Variants in POU2F1 observed in about 807,000 individuals in gnomAD.
POU2F1 encodes POU class 2 homeobox 1, also known as POU domain, class 2, transcription factor 1.
A neutral mutation model predicts 84.9 loss-of-function variants in POU2F1; 16 were observed. The observed-to-expected ratio is 0.19, with a 90% CI of 0.13 to 0.29. The LOEUF is 0.29. Among genes scored for constraint, POU2F1 ranks in the 10% least tolerant of loss-of-function variants. The pLI is 1.00. For synonymous variants in POU2F1, 368 were observed against 368.3 expected, an observed-to-expected ratio of 1.00 and a Z score of 0.01; for missense variants, 738 against 942.6, an observed-to-expected ratio of 0.78 and a Z score of 2.84.
At chr1:167,263,976 G>A (rs1651763405) in intron 1 of POU2F1, among the ~76,000 whole-genome samples, 1 of 152,176 alleles carries the variant, frequency 6.6e-6, no homozygotes, top group South Asian at 2.1e-4. Flanking sequence ...GCCAGGTATT[G>A]TGGCCAATCC....
At position 167,372,044 on chromosome 1, in the gene POU2F1, T is replaced by G. The variant is rs1312421950; in HGVS notation, c.402+8T>G. The stretch of plus-strand genomic sequence containing the variant: ...GGAGGACAGATAACTGGGGTAAGTG[T>G]TCACTGAGAGAATTATAACAAACTT... On this transcript the variant is annotated splice_region_variant and intron_variant, in intron 5 of 15. Transcript: ENST00000367866. 6.2e-7 allele frequency: 1 copy of G among 1,605,956 alleles called. No individual in the cohort carries two copies. Among genetic ancestry groups the G allele is most frequent in the Non-Finnish European group, 8.5e-7 (1 of 1,176,490 alleles).
intron 1 of POU2F1, among the ~76,000 whole-genome samples, chr1:167,313,552 A>G (rs530834727): frequency 6.6e-6 from 1 of 152,324 alleles, no homozygotes; most frequent in South Asian, 2.1e-4. Flanking sequence ...TGACTAAGGT[A>G]CAAAAACAAT....
chr1:167,378,830 G>A (rs1464011782), intron 7 of POU2F1, among the ~76,000 whole-genome samples: 2 of 151,948 alleles, frequency 1.3e-5, no homozygotes, highest in Non-Finnish European at 2.9e-5. Flanking sequence ...TTGGCTCACT[G>A]CAACCTCTGC....
At chr1:167,229,814 G>A (rs1648922685) in intron 1 of POU2F1, among the ~76,000 whole-genome samples, 1 of 152,154 alleles carries the variant, frequency 6.6e-6, no homozygotes, top group Non-Finnish European at 1.5e-5. Flanking sequence ...CATCTTAGGA[G>A]GAATGGACAC....
chr1:167,339,713 C>A (rs116119347), intron 2 of POU2F1, among the ~76,000 whole-genome samples: 36 of 152,198 alleles, frequency 2.4e-4, no homozygotes, highest in African/African-American at 8.7e-4. Flanking sequence ...TGAATTTTGT[C>A]CTTAGGAGTT....
Position 167,365,318 on chromosome 1 carries a change from G to C in POU2F1, c.128-149G>C, listed in dbSNP as rs555693963. ...CTTTTAGAAGATAAACCAGTTTACT[G>C]TTTCCTTTCTTTTGAATCCCTTCTC... On this transcript the variant is annotated intron_variant, in intron 2 of 15. Transcript: ENST00000367866. 5 of 519,708 alleles carry C rather than the reference G, an allele frequency of 9.6e-6. No individual in the cohort carries two copies. In the East Asian group the frequency reaches 1.4e-4, roughly 14 times the overall value. 32.2% of individuals were successfully genotyped at this position (519,708 alleles called of 1,614,324 possible).
intron 11 of POU2F1, 71 bp downstream of exon 11, chr1:167,398,204 A>G (rs1482087086): frequency 3.3e-6 from 5 of 1,513,126 alleles, no homozygotes; most frequent in African/African-American, 1.4e-5. Flanking sequence ...CTTAGTAGAA[A>G]CTGTAGGTGG....
rs1210785486 is a variant in POU2F1, at chr1:167,310,793, GC to G, written c.62-21675del. On this transcript the variant is annotated intron_variant, in intron 1 of 15. Transcript: ENST00000367866. ...ATGTGGAGTCTGAGCAAAGAAATAGGCCTCAGTAGATAGAAAATACAAAGAA... is the reference window on the plus strand; with the variant it reads ...ATGTGGAGTCTGAGCAAAGAAATAGGCTCAGTAGATAGAAAATACAAAGAA... Among the ~76,000 whole-genome samples the G allele has an allele frequency of 2.0e-5, 3 of 152,192 alleles. No individual in the cohort carries two copies. The East Asian group carries it at 5.8e-4, about 29-fold the overall frequency.
At chr1:167,395,531 T>A (rs148204317) in intron 9 of POU2F1, among the ~76,000 whole-genome samples, 3 of 152,224 alleles carry the variant, frequency 2.0e-5, no homozygotes, top group Non-Finnish European at 4.4e-5. Flanking sequence ...TTCGTAAATA[T>A]CTTGGGTTAT....
At chr1:167,222,062 C>T (rs1247720270) in intron 1 of POU2F1, among the ~76,000 whole-genome samples, 1 of 152,128 alleles carries the variant, frequency 6.6e-6, no homozygotes, top group Non-Finnish European at 1.5e-5. Context: ...CCGGGACGCA[C>T]GGGGCGGGTG....
chr1:167,289,804 T>C (rs1571235791), intron 1 of POU2F1, among the ~76,000 whole-genome samples: 1 of 152,346 alleles, frequency 6.6e-6, no homozygotes, highest in South Asian at 2.1e-4. Context: ...TGTTCATTTA[T>C]TTGCTGGCTT....
chr1:167,284,979 C>T (rs534248633), intron 1 of POU2F1, among the ~76,000 whole-genome samples: 16 of 152,236 alleles, frequency 1.1e-4, no homozygotes, highest in African/African-American at 3.9e-4. Context: ...CATTTGTGTT[C>T]ATAGTATTTT....
intron 1 of POU2F1, among the ~76,000 whole-genome samples, chr1:167,314,587 G>A (rs1655744642): frequency 6.6e-6 from 1 of 151,964 alleles, no homozygotes; most frequent in African/African-American, 2.4e-5. Context: ...TACCATCCTG[G>A]GCCACACAGG....
At chr1:167,221,565 G>A (rs1293645598) in intron 1 of POU2F1, among the ~76,000 whole-genome samples, 4 of 149,942 alleles carry the variant, frequency 2.7e-5, no homozygotes, top group Non-Finnish European at 4.5e-5. Context: ...GGGCGGGGGG[G>A]CGCTGCCCGC....
At chr1:167,343,601 A>G (rs1657998474) in intron 2 of POU2F1, among the ~76,000 whole-genome samples, 1 of 144,654 alleles carries the variant, frequency 6.9e-6, no homozygotes, top group South Asian at 2.2e-4. Context: ...ACATCCTGGC[A>G]TAGAGCAATG....
At chr1:167,304,049 A>G (rs1044837102) in intron 1 of POU2F1, among the ~76,000 whole-genome samples, 1 of 152,182 alleles carries the variant, frequency 6.6e-6, no homozygotes, top group African/African-American at 2.4e-5. Context: ...CTTGCGAAAG[A>G]AATTCAGCTA....
At chr1:167,350,208 C>T (rs1473492955) in intron 2 of POU2F1, among the ~76,000 whole-genome samples, 7 of 152,036 alleles carry the variant, frequency 4.6e-5, no homozygotes, top group Non-Finnish European at 1.0e-4. Context: ...ATGTAGTTTC[C>T]CTTGCCCCCT....
In POU2F1 at chr1:167,413,081, C is replaced by G. The variant is rs746981759; in HGVS notation, c.1957C>G (p.Leu653Val). The G allele has an allele frequency of 1.2e-6, 2 of 1,614,032 alleles. No homozygotes were observed. Among genetic ancestry groups the G allele is most frequent in the Admixed American group, 3.3e-5 (2 of 60,012 alleles). ...CCTGAGCGGTGCTCTCAGCCCAGCT[C>G]TAATGAGCAACAGTACACTGGCAAC... The part of the protein sequence containing the change: ...GTLSGALSPA[L>V]MSNSTLATIQ... Residue 653 changes from leucine (L) to valine (V), a missense_variant, in exon 15 of 16, where the codon CTA becomes GTA. This residue lies in a region of POU2F1 where 319 missense variants were observed against 386.0 expected (regional missense o/e 0.83). Coordinates refer to ENST00000367866, the MANE Select transcript of POU2F1 (RefSeq NM_002697.4).
In POU2F1 at chr1:167,280,210, T is replaced by C. The variant is rs554373155; in HGVS notation, c.62-52260T>C. Among the ~76,000 whole-genome samples the C allele has an allele frequency of 5.9e-5, 9 of 151,886 alleles. No individual in the cohort carries two copies. The South Asian group carries it at 6.2e-4, about 11-fold the overall frequency. On this transcript the variant is annotated intron_variant, in intron 1 of 15. Coordinates refer to ENST00000367866, the MANE Select transcript of POU2F1 (RefSeq NM_002697.4). Reference sequence around the variant, plus strand: ...CTCGGGGAAAAAAAAAAAAAACTTATTGTAAATGTGTGATATCAGAAATAA... The same window carrying C: ...CTCGGGGAAAAAAAAAAAAAACTTACTGTAAATGTGTGATATCAGAAATAA...
Sources: allele counts gnomAD v4.1 joint callset (sites outside exome capture counted in the v4.1 genomes callset), GRCh38; gene constraint gnomAD v4.1.1; regional missense constraint gnomAD v4.1.1; transcripts MANE v1.5; gene names NCBI Gene and HGNC (gene_info 2026-07-23, HGNC 2026-07-21).